Variants in SLC35G1 observed in about 807,000 individuals in gnomAD.
The protein encoded by SLC35G1 is partner of STIM1.
SLC35G1 carries 10 observed loss-of-function variants against 17.1 expected under a neutral mutation model. The ratio of observed to expected loss-of-function variants is 0.59; its 90% confidence interval spans 0.36 to 0.99. SLC35G1 has a LOEUF of 0.99. Ranked by LOEUF, SLC35G1 falls within the 50% of genes least tolerant of loss-of-function variation. The probability of loss-of-function intolerance (pLI) is 0.01; values close to 1 mark genes in which losing one functional copy is unlikely to be tolerated. For synonymous variants in SLC35G1, 185 were observed against 181.1 expected (o/e 1.02, Z -0.18); for missense variants, 433 against 468.4 (o/e 0.92, Z 0.70).
intron 1 of SLC35G1, 33 bp from the exon 2 acceptor site, chr10:93,898,538 A>C (rs754409056): frequency 1.9e-6 from 3 of 1,580,908 alleles, no homozygotes; most frequent in Non-Finnish European, 1.7e-6. Context: ...TACACTTGGA[A>C]GCAAGGACTA....
At chr10:93,904,653 C>T (rs1212406709), downstream of SLC35G1, among the ~76,000 whole-genome samples, 1 of 152,214 alleles carries the variant, frequency 6.6e-6, no homozygotes, top group African/African-American at 2.4e-5. Flanking sequence ...GTGGGTAAAG[C>T]ACTGGATTGG....
downstream of SLC35G1, among the ~76,000 whole-genome samples, chr10:93,904,164 G>A (rs1453002579): frequency 6.6e-6 from 1 of 152,072 alleles, no homozygotes. Context: ...TCTTCTTATT[G>A]TCTTGTGGAT....
Position 93,901,135 on chromosome 10 carries a change from C to A in SLC35G1, c.743C>A (p.Ser248Tyr), listed in dbSNP as rs1238992622. The change falls in exon 3 of 3, where the codon TCT becomes TAT. Residue 248 changes from serine (S) to tyrosine (Y), a missense_variant. Physicochemically the swap from Ser to Tyr is moderately radical, Grantham distance 144. Transcript: ENST00000427197. Reference protein sequence around the residue: ...TLVILRKMGKSVDYFLSIWYY... With the variant: ...TLVILRKMGKYVDYFLSIWYY... ...GTTATCCTAAGAAAAATGGGAAAATCTGTGGACTACTTTCTGAGCATTTGG... is the reference window on the plus strand; with the variant it reads ...GTTATCCTAAGAAAAATGGGAAAATATGTGGACTACTTTCTGAGCATTTGG... The A allele has an allele frequency of 1.9e-6, 3 of 1,614,060 alleles. No homozygotes were observed. In the South Asian group the frequency reaches 3.3e-5, roughly 18 times the overall value.
Position 93,894,189 on chromosome 10 carries a change from G to A in SLC35G1, c.156G>A (p.Pro52=), listed in dbSNP as rs541046814. ...GGTGCTGGCTCTGCCTTTCCTCGCCGTGTTGCTCCCGCACCGAGCCGGGTG... is the reference window on the plus strand; with the variant it reads ...GGTGCTGGCTCTGCCTTTCCTCGCCATGTTGCTCCCGCACCGAGCCGGGTG... ...RGRCWLCLSS[P]CCSRTEPEAK... is the part of the protein sequence containing the mutation. The change falls in exon 1 of 3, where the codon CCG becomes CCA. Residue 52 remains proline, a synonymous_variant. Coordinates refer to ENST00000427197, the MANE Select transcript of SLC35G1 (RefSeq NM_001134658.3). 8 of 1,437,666 alleles carry A rather than the reference G, an allele frequency of 5.6e-6. No homozygotes were observed. The African/African-American group carries it at 1.0e-4, about 19-fold the overall frequency. The allele number at this position is 1,437,666 out of a possible 1,614,324, so 89.1% of individuals were successfully genotyped here.
At chr10:93,905,251 A>G (rs1021497540), downstream of SLC35G1, among the ~76,000 whole-genome samples, 1 of 152,092 alleles carries the variant, frequency 6.6e-6, no homozygotes, top group African/African-American at 2.4e-5. Flanking sequence ...AGAGAGCCAG[A>G]TGTTCTTGAT....
intron 1 of SLC35G1, among the ~76,000 whole-genome samples, chr10:93,896,271 C>T (rs931558999): frequency 1.1e-4 from 16 of 152,190 alleles, no homozygotes; most frequent in African/African-American, 3.9e-4. Context: ...GCTGGGATTA[C>T]AGGCATGAGC....
At position 93,894,018 on chromosome 10, in the gene SLC35G1, G is replaced by C. The variant is rs1306243457; in HGVS notation, c.-16G>C. ...CGCCAGACGGCACCGGCCGCTGGTA[G>C]AGCGCGTGCCGCGAGATGCGGCCTC... is the stretch of plus-strand genomic sequence containing the variant. On this transcript the variant is annotated 5_prime_UTR_variant, in exon 1 of 3. Transcript: ENST00000427197. 4 of 1,396,442 alleles carry C rather than the reference G, an allele frequency of 2.9e-6. No individual in the cohort carries two copies. The highest frequency in any genetic ancestry group is 3.7e-6 in the Non-Finnish European group (4 of 1,081,310). 86.5% of individuals were successfully genotyped at this position (1,396,442 alleles called of 1,614,324 possible). A position where few individuals can be genotyped will look rare whatever the true frequency, so the allele number is the denominator to read the frequency against.
intron 1 of SLC35G1, among the ~76,000 whole-genome samples, chr10:93,895,063 TACCAGG>T (rs1339570974): frequency 6.6e-6 from 1 of 152,196 alleles, no homozygotes; most frequent in Non-Finnish European, 1.5e-5. Context: ...GTCGACCATC[TACCAGG>T]AGCAGCTTCC....
At chr10:93,896,487 T>A (rs956649902) in intron 1 of SLC35G1, among the ~76,000 whole-genome samples, 4 of 152,240 alleles carry the variant, frequency 2.6e-5, no homozygotes, top group Non-Finnish European at 4.4e-5. Flanking sequence ...CAGTGAGATA[T>A]GAACATGGAA....
At chr10:93,909,085 A>G (rs1042944147) in exon 3 of SLC35G1, 1 of 152,256 alleles carries the variant, frequency 6.6e-6, no homozygotes, top group Admixed American at 6.5e-5. Flanking sequence ...ATCTGGAGGC[A>G]TAGCTACCAT....
At chr10:93,899,070 A>C (rs2060357628) in intron 2 of SLC35G1, among the ~76,000 whole-genome samples, 2 of 152,210 alleles carry the variant, frequency 1.3e-5, no homozygotes, top group African/African-American at 4.8e-5. Flanking sequence ...TACTGTTTGG[A>C]AGTTAAAAAA....
chr10:93,907,846 A>G (rs2060437963), downstream of SLC35G1: 1 of 152,000 alleles, frequency 6.6e-6, no homozygotes, highest in Non-Finnish European at 1.5e-5. Flanking sequence ...GAACAAAAAT[A>G]AAAAGGTGAC....
At chr10:93,900,671 AAAT>A in intron 2 of SLC35G1, 78 bp from the exon 3 acceptor site, 1 of 1,214,710 alleles carries the variant, frequency 8.2e-7, no homozygotes, top group South Asian at 1.9e-5. Context: ...AGTACTTTTA[AAAT>A]AATGTTTAAT....
At chr10:93,909,652 G>A (rs1304522384) in exon 3 of SLC35G1, 1 of 152,020 alleles carries the variant, frequency 6.6e-6, no homozygotes, top group African/African-American at 2.4e-5. Flanking sequence ...CCTGAACACT[G>A]CATTACAAAA....
At chr10:93,909,431 T>C in exon 3 of SLC35G1, 3 of 151,994 alleles carry the variant, frequency 2.0e-5, no homozygotes, top group Middle Eastern at 6.8e-3. Flanking sequence ...ATTTTTTGCA[T>C]CCTAATTAAT....
intron 1 of SLC35G1, 58 bp downstream of exon 1, chr10:93,894,269 G>A (rs1163227902): frequency 3.9e-6 from 5 of 1,296,036 alleles, no homozygotes; most frequent in Non-Finnish European, 4.9e-6. Context: ...AGCGGGCGCC[G>A]GCGGGTTGGG....
downstream of SLC35G1, among the ~76,000 whole-genome samples, chr10:93,905,190 C>T (rs571020907): frequency 1.3e-5 from 2 of 152,228 alleles, no homozygotes; most frequent in East Asian, 1.9e-4. Context: ...TAGCCTCTTA[C>T]GTATTGCACT....
Position 93,901,560 on chromosome 10 carries a change from C to CATCT in SLC35G1, c.*71_*74dup. ...CTAATTCACATACAGCATACGCACA[C>CATCT]ATCTGGAAAATCTGCATTTTCTTCA... On this transcript the variant is annotated 3_prime_UTR_variant, in exon 3 of 3. Transcript: ENST00000427197. 1 of 1,452,170 alleles carries CATCT rather than the reference C, an allele frequency of 6.9e-7. No individual in the cohort carries two copies. The highest frequency in any genetic ancestry group is 2.4e-5 in the East Asian group (1 of 42,348). The allele number at this position is 1,452,170 out of a possible 1,614,324, so 90.0% of individuals were successfully genotyped here. A position where few individuals can be genotyped will look rare whatever the true frequency, so the allele number is the denominator to read the frequency against.
chr10:93,899,543 T>C (rs942295890), intron 2 of SLC35G1, among the ~76,000 whole-genome samples: 1 of 152,168 alleles, frequency 6.6e-6, no homozygotes, highest in Non-Finnish European at 1.5e-5. Context: ...GCTGCCTGGC[T>C]CTTTGTCTCT....
Sources: allele counts gnomAD v4.1 joint callset (sites outside exome capture counted in the v4.1 genomes callset), GRCh38; gene constraint gnomAD v4.1.1; transcripts MANE v1.5; gene names NCBI Gene and HGNC (gene_info 2026-07-23, HGNC 2026-07-21).